The following EPPIN variants were observed in gnomAD, a reference collection of about 807,000 sequenced individuals.
EPPIN encodes epididymal peptidase inhibitor, also known as WAP four-disulfide core domain protein 7.
A neutral mutation model predicts 18.8 loss-of-function variants in EPPIN; 14 were observed. The observed-to-expected ratio is 0.75, with a 90% CI of 0.49 to 1.17. The LOEUF (loss-of-function observed/expected upper bound fraction) is 1.17. Ranked by LOEUF, EPPIN falls within the 50% of genes most tolerant of loss-of-function variation. The pLI is 0.00. For synonymous variants in EPPIN, 57 were observed against 54.8 expected (o/e 1.04, Z -0.18); for missense variants, 143 against 154.2 (o/e 0.93, Z 0.39).
In EPPIN at chr20:45,544,529, T is replaced by G. The variant is rs535014254; in HGVS notation, c.223+1110A>C. 3 of 152,342 alleles carry G rather than the reference T, an allele frequency of 2.0e-5. No individual in the cohort carries two copies. In the South Asian group the frequency reaches 6.2e-4, roughly 32 times the overall value. 9.4% of individuals were successfully genotyped at this position (152,342 alleles called of 1,614,324 possible). A position where few individuals can be genotyped will look rare whatever the true frequency, so the allele number is the denominator to read the frequency against. On this transcript the variant is annotated intron_variant, in intron 2 of 3. Transcript: ENST00000354280. ...TTCAGAATCCTTACCTGCTGGCATA[T>G]GAGTGACTTAGCCCCCTAACCTGCC...
rs1338151097 is a variant in EPPIN at position 45,541,644 on chromosome 20, G to A, written c.*500C>T. ...GATCCAAACTAAGGCACTGTCCTTG[G>A]GCCCTTGCCTAAAAAGGGTTTTACA... On this transcript the variant is annotated 3_prime_UTR_variant, in exon 4 of 4. Coordinates refer to ENST00000354280, the MANE Select transcript of EPPIN (RefSeq NM_020398.4). 2 of 154,722 alleles carry A rather than the reference G, an allele frequency of 1.3e-5. No individual in the cohort carries two copies. The highest frequency in any genetic ancestry group is 1.4e-5 in the Non-Finnish European group (1 of 69,668). The allele number at this position is 154,722 out of a possible 1,614,324, so 9.6% of individuals were successfully genotyped here. A position where few individuals can be genotyped will look rare whatever the true frequency, so the allele number is the denominator to read the frequency against.
In EPPIN at chr20:45,541,117, A is replaced by G. The variant is rs1279521048; in HGVS notation, c.*1027T>C. The G allele has an allele frequency of 2.6e-5, 4 of 152,234 alleles. No individual in the cohort carries two copies. Among genetic ancestry groups the G allele is most frequent in the Admixed American group, 6.5e-5 (1 of 15,282 alleles). 9.4% of individuals were successfully genotyped at this position (152,234 alleles called of 1,614,324 possible). ...AAAGAAATGAGATCACGTCCTTTGC[A>G]GGGACATGGATGAAGCTGGAAGCCG... On this transcript the variant is annotated 3_prime_UTR_variant, in exon 4 of 4. Coordinates refer to ENST00000354280, the MANE Select transcript of EPPIN (RefSeq NM_020398.4).
intron 2 of EPPIN, chr20:45,545,421 G>C (rs1475745232): frequency 1.5e-6 from 1 of 653,852 alleles, no homozygotes; most frequent in Non-Finnish European, 2.4e-6. Flanking sequence ...GATTTGTTCT[G>C]GGAAACTGAG....
At chr20:45,545,907 G>A (rs952677842) in intron 1 of EPPIN, 137 bp from the exon 2 acceptor site, 2 of 1,369,924 alleles carry the variant, frequency 1.5e-6, no homozygotes, top group African/African-American at 2.9e-5. Flanking sequence ...TTTTCCTCAG[G>A]GCAGCCTCAC....
chr20:45,541,874 TGA>T lies in EPPIN; in HGVS notation c.*268_*269del. 2.3e-6 allele frequency: 1 copy of T among 441,174 alleles called. No individual in the cohort carries two copies. Among genetic ancestry groups the T allele is most frequent in the Non-Finnish European group, 4.1e-6 (1 of 246,552 alleles). 27.3% of individuals were successfully genotyped at this position (441,174 alleles called of 1,614,324 possible). On this transcript the variant is annotated 3_prime_UTR_variant, in exon 4 of 4. Coordinates refer to ENST00000354280, the MANE Select transcript of EPPIN (RefSeq NM_020398.4). ...CATCAAGTACTTTACTGGAAAAAAT[TGA>T]GAGTGACACAGGTATAAACTGGGAG...
At chr20:45,543,047 G>A in intron 2 of EPPIN, 180 bp from the exon 3 acceptor site, 1 of 982,814 alleles carries the variant, frequency 1.0e-6, no homozygotes, top group Non-Finnish European at 1.4e-6. Flanking sequence ...CCCCAGAGTG[G>A]GCATCTGCAT....
intron 1 of EPPIN, among the ~76,000 whole-genome samples, chr20:45,547,066 T>C (rs985845000): frequency 6.6e-6 from 1 of 152,072 alleles, no homozygotes; most frequent in African/African-American, 2.4e-5. Context: ...GAGCTGAAAG[T>C]GGGGATTGCC....
chr20:45,542,118 A>G lies in EPPIN; in HGVS notation c.*26T>C. 1.2e-6 allele frequency: 2 copies of G among 1,613,512 alleles called. No individual in the cohort carries two copies. The highest frequency in any genetic ancestry group is 1.7e-4 in the Middle Eastern group (1 of 6,050). On this transcript the variant is annotated 3_prime_UTR_variant, in exon 4 of 4. Transcript: ENST00000354280. Reference sequence around the variant, plus strand: ...CTCAGAGCATGAGCCACATTCTGGCAGTTCTTCCAGTGCATCCTTATCCAA... The same window carrying G: ...CTCAGAGCATGAGCCACATTCTGGCGGTTCTTCCAGTGCATCCTTATCCAA...
In EPPIN at chr20:45,545,644, T is replaced by C; in HGVS notation, c.218A>G (p.Lys73Arg). The change falls in exon 2 of 4, where the codon AAA becomes AGA. Residue 73 changes from lysine to arginine, a missense_variant. Coordinates refer to ENST00000354280, the MANE Select transcript of EPPIN (RefSeq NM_020398.4). ...TCTGCAGCTCTGAATATTACCTTGT[T>C]TGAGATCTAAACATTTTTTTCCGCA... ...FSCGKKCLDL[K>R]QDVCEMPKET... is the part of the protein sequence containing the mutation. 1.2e-6 allele frequency: 2 copies of C among 1,613,990 alleles called. No individual in the cohort carries two copies. Among genetic ancestry groups the C allele is most frequent in the Non-Finnish European group, 1.7e-6 (2 of 1,179,898 alleles).
chr20:45,547,210 TC>T, intron 1 of EPPIN, 56 bp downstream of exon 1: 1 of 1,611,394 alleles, frequency 6.2e-7, no homozygotes, highest in Non-Finnish European at 8.5e-7. Flanking sequence ...TCTTCCCTGT[TC>T]CTTCCTCCCA....
Position 45,542,840 on chromosome 20 carries a change from C to A in EPPIN, c.251G>T (p.Gly84Val). The A allele has an allele frequency of 6.2e-7, 1 of 1,613,468 alleles. No homozygotes were observed. Among genetic ancestry groups the A allele is most frequent in the South Asian group, 1.1e-5 (1 of 90,966 alleles). ...QDVCEMPKET[G>V]PCLAYFLHWW... The stretch of plus-strand genomic sequence containing the variant: ...ATGAAGAAAATAAGCCAGGCAGGGG[C>A]CAGTTTCTTTTGGCATTTCGCATAC... The change falls in exon 3 of 4, where the codon GGC becomes GTC. Residue 84 changes from glycine to valine, a missense_variant. Transcript: ENST00000354280.
chr20:45,547,154 C>T lies in EPPIN; in HGVS notation c.91+113G>A, dbSNP rs146262917. The T allele has an allele frequency of 3.9e-5, 57 of 1,464,520 alleles. No individual in the cohort carries two copies. The East Asian group carries it at 9.8e-4, about 25-fold the overall frequency. The allele number at this position is 1,464,520 out of a possible 1,614,324, so 90.7% of individuals were successfully genotyped here. ...CAAATATCTCTCTCCTCTCCCAACCCGGGACCTGGGCTAAGATGGTGGAAA... is the reference window on the plus strand; with the variant it reads ...CAAATATCTCTCTCCTCTCCCAACCTGGGACCTGGGCTAAGATGGTGGAAA... On this transcript the variant is annotated intron_variant, in intron 1 of 3. Transcript: ENST00000354280.
chr20:45,546,142 G>A (rs1979824447), intron 1 of EPPIN: 1 of 328,440 alleles, frequency 3.0e-6, no homozygotes, highest in African/African-American at 2.1e-5. Context: ...TGTAACAACT[G>A]AAAATGTCTC....
At position 45,545,676 on chromosome 20, in the gene EPPIN, G is replaced by C; in HGVS notation, c.186C>G (p.Val62=). 6.2e-7 allele frequency: 1 copy of C among 1,614,052 alleles called. No homozygotes were observed. The highest frequency in any genetic ancestry group is 8.5e-7 in the Non-Finnish European group (1 of 1,179,940). The change falls in exon 2 of 4, where the codon GTC becomes GTG. Residue 62 remains valine, a synonymous_variant. Coordinates refer to ENST00000354280, the MANE Select transcript of EPPIN (RefSeq NM_020398.4). ...CTAAACATTTTTTTCCGCAGCTGAA[G>C]ACACAACACTTCTTGTTGTCCTGGC... ...RQCQDNKKCC[V]FSCGKKCLDL... is the part of the protein sequence containing the mutation.
Position 45,542,208 on chromosome 20 carries a change from T to G in EPPIN, c.392-54A>C, listed in dbSNP as rs373013553. 47 of 1,608,902 alleles carry G rather than the reference T, an allele frequency of 2.9e-5. No individual in the cohort carries two copies. In the African/African-American group the frequency reaches 5.9e-4, roughly 20 times the overall value. On this transcript the variant is annotated intron_variant, in intron 3 of 3. Coordinates refer to ENST00000354280, the MANE Select transcript of EPPIN (RefSeq NM_020398.4). ...GAGCATCTTGGGTTCAGCTCATCTTTGGAGCTTGAAGTTATGTTTATACAT... is the reference window on the plus strand; with the variant it reads ...GAGCATCTTGGGTTCAGCTCATCTTGGGAGCTTGAAGTTATGTTTATACAT...
chr20:45,543,063 G>T, intron 2 of EPPIN, 196 bp from the exon 3 acceptor site: 1 of 874,492 alleles, frequency 1.1e-6, no homozygotes, highest in Non-Finnish European at 1.6e-6. Context: ...TGCATCCCTG[G>T]AGATAGGGTT....
In EPPIN at chr20:45,540,801, G is replaced by A. The variant is rs923160746; in HGVS notation, c.*1343C>T. 3.3e-5 allele frequency: 5 copies of A among 152,204 alleles called. No homozygotes were observed. Among genetic ancestry groups the A allele is most frequent in the African/African-American group, 1.2e-4 (5 of 41,450 alleles). 9.4% of individuals were successfully genotyped at this position (152,204 alleles called of 1,614,324 possible). ...TGCTGGTAAAGCTGTGGAGAAACATGAATGCTTTTACACTGTTGGGAATGT... is the reference window on the plus strand; with the variant it reads ...TGCTGGTAAAGCTGTGGAGAAACATAAATGCTTTTACACTGTTGGGAATGT... On this transcript the variant is annotated 3_prime_UTR_variant, in exon 4 of 4. Transcript: ENST00000354280.
chr20:45,545,709 G>A lies in EPPIN; in HGVS notation c.153C>T (p.Asp51=). The A allele has an allele frequency of 6.2e-7, 1 of 1,614,048 alleles. No homozygotes were observed. The highest frequency in any genetic ancestry group is 8.5e-7 in the Non-Finnish European group (1 of 1,179,952). Residue 51 remains aspartate (D), a synonymous_variant, in exon 2 of 4, where the codon GAC becomes GAT. Transcript: ENST00000354280. The stretch of plus-strand genomic sequence containing the variant: ...ACTTCTTGTTGTCCTGGCATTGTCT[G>A]TCCTTTGTACACACATCCCTTTCTT... The part of the protein sequence containing the change: ...EFQERDVCTK[D]RQCQDNKKCC...
chr20:45,543,173 G>A, intron 2 of EPPIN: 1 of 270,666 alleles, frequency 3.7e-6, no homozygotes, highest in Non-Finnish European at 6.8e-6. Flanking sequence ...AATTTGGACA[G>A]AGGCACACAC....
Sources: allele counts gnomAD v4.1 joint callset (sites outside exome capture counted in the v4.1 genomes callset), GRCh38; gene constraint gnomAD v4.1.1; transcripts MANE v1.5; gene names NCBI Gene and HGNC (gene_info 2026-07-23, HGNC 2026-07-21).